Variants in RCAN1 observed in about 807,000 individuals in gnomAD.
RCAN1 encodes regulator of calcineurin 1, also known as calcipressin-1.
A neutral mutation model predicts 22.9 loss-of-function variants in RCAN1; 11 were observed. The ratio of observed to expected loss-of-function variants is 0.48; its 90% confidence interval spans 0.30 to 0.79. The LOEUF (loss-of-function observed/expected upper bound fraction) is 0.79, where lower values mean the gene tolerates loss of function less well. Among genes scored for constraint, RCAN1 ranks in the 30% least tolerant of loss-of-function variants. The pLI, the probability that RCAN1 is intolerant of heterozygous loss-of-function variation, is 0.06. For synonymous variants in RCAN1, 136 were observed against 142.3 expected (o/e 0.96, Z 0.32); for missense variants, 291 against 337.8 (o/e 0.86, Z 1.09).
chr21:34,525,498 T>A (rs1451489748), intron 1 of RCAN1: 2 of 996,694 alleles, frequency 2.0e-6, no homozygotes, highest in African/African-American at 3.2e-5. Context: ...CATTTGGAAT[T>A]TTGTATGACC....
At chr21:34,536,250 G>A (rs1349746857) in intron 1 of RCAN1, among the ~76,000 whole-genome samples, 1 of 152,188 alleles carries the variant, frequency 6.6e-6, no homozygotes, top group East Asian at 1.9e-4. Flanking sequence ...GGAGATTACT[G>A]GGGCCAAAGC....
At chr21:34,567,957 T>TCTG (rs879694037) in intron 1 of RCAN1, among the ~76,000 whole-genome samples, 2,123 of 152,330 alleles carry the variant, frequency 0.014, 30 homozygotes, top group Middle Eastern at 0.034. Context: ...AATGTCAAAG[T>TCTG]AAGGACCAAA....
chr21:34,538,005 A>C (rs558793150), intron 1 of RCAN1, among the ~76,000 whole-genome samples: 3 of 152,362 alleles, frequency 2.0e-5, no homozygotes, highest in Admixed American at 1.3e-4. Flanking sequence ...TTCTGCTCAA[A>C]CATAAACCAC....
At chr21:34,545,743 C>T (rs1986107589) in intron 1 of RCAN1, among the ~76,000 whole-genome samples, 2 of 152,200 alleles carry the variant, frequency 1.3e-5, no homozygotes, top group Non-Finnish European at 2.9e-5. Context: ...CAGCAGCTTT[C>T]CCCCAGTCCT....
chr21:34,520,488 G>T (rs532653724), intron 3 of RCAN1, among the ~76,000 whole-genome samples: 1 of 152,278 alleles, frequency 6.6e-6, no homozygotes, highest in East Asian at 1.9e-4. Flanking sequence ...CCCACAGAGG[G>T]AATTTCCGTT....
At chr21:34,604,162 G>T (rs1286586287) in intron 1 of RCAN1, among the ~76,000 whole-genome samples, 1 of 152,106 alleles carries the variant, frequency 6.6e-6, no homozygotes. Flanking sequence ...TTGAGACACA[G>T]CTCTGTTGCC....
Position 34,529,415 on chromosome 21 carries a change from G to A in RCAN1, c.253-5705C>T, listed in dbSNP as rs1370601475. 6.6e-5 allele frequency among the ~76,000 whole-genome samples: 10 copies of A among 152,324 alleles called. No homozygotes were observed. The East Asian group carries it at 1.9e-3, about 29-fold the overall frequency. On this transcript the variant is annotated intron_variant, in intron 1 of 3. Coordinates refer to ENST00000313806, the MANE Select transcript of RCAN1 (RefSeq NM_004414.7). The stretch of plus-strand genomic sequence containing the variant: ...AAGCACAGGGTTTCCTGGGACACCT[G>A]TCCCTGTACCCATAGGGTAAGACTG...
intron 1 of RCAN1, among the ~76,000 whole-genome samples, chr21:34,543,700 T>TGA (rs1986013925): frequency 1.3e-5 from 2 of 152,162 alleles, no homozygotes; most frequent in African/African-American, 2.4e-5. Flanking sequence ...ACTGCTGTCC[T>TGA]TTTATTTCTT....
intron 1 of RCAN1, among the ~76,000 whole-genome samples, chr21:34,529,494 G>A (rs1985257631): frequency 6.6e-6 from 1 of 152,212 alleles, no homozygotes; most frequent in Non-Finnish European, 1.5e-5. Context: ...TTCTTGCTAA[G>A]AGAGTCTGTC....
chr21:34,602,841 TTTTCATA>T (rs1988397521), intron 1 of RCAN1, among the ~76,000 whole-genome samples: 1 of 152,216 alleles, frequency 6.6e-6, no homozygotes, highest in Non-Finnish European at 1.5e-5. Flanking sequence ...TATGCTGATA[TTTTCATA>T]TTTCATATTC....
chr21:34,557,022 G>A (rs1425255804), intron 1 of RCAN1, among the ~76,000 whole-genome samples: 5 of 152,166 alleles, frequency 3.3e-5, no homozygotes, highest in Non-Finnish European at 7.4e-5. Context: ...AGACCAGCCT[G>A]GCCAACATGG....
At chr21:34,591,730 T>C (rs146597084) in intron 1 of RCAN1, among the ~76,000 whole-genome samples, 16 of 152,344 alleles carry the variant, frequency 1.1e-4, no homozygotes, top group African/African-American at 3.6e-4. Flanking sequence ...GGTGGATCCA[T>C]ATGTTGCGCT....
At chr21:34,526,649 A>C (rs1465427137) in intron 1 of RCAN1, 1 of 1,610,110 alleles carries the variant, frequency 6.2e-7, no homozygotes, top group Admixed American at 1.7e-5. Context: ...ATCACGTTAT[A>C]TTAGAAGCCT....
At chr21:34,592,236 C>G (rs540860607) in intron 1 of RCAN1, among the ~76,000 whole-genome samples, 302 of 152,348 alleles carry the variant, frequency 2.0e-3, no homozygotes, top group African/African-American at 6.9e-3. Context: ...ACCTGGGCAC[C>G]TGGCATCAAG....
At chr21:34,601,540 T>G (rs539740840) in intron 1 of RCAN1, among the ~76,000 whole-genome samples, 1 of 152,108 alleles carries the variant, frequency 6.6e-6, no homozygotes, top group Non-Finnish European at 1.5e-5. Flanking sequence ...AATGCTAGGC[T>G]GGGCACGGTG....
At chr21:34,563,698 C>T (rs1434830462) in intron 1 of RCAN1, among the ~76,000 whole-genome samples, 3 of 146,760 alleles carry the variant, frequency 2.0e-5, no homozygotes, top group African/African-American at 7.6e-5. Flanking sequence ...CACTTGATGT[C>T]AGGAGTTCCA....
intron 1 of RCAN1, chr21:34,525,139 A>G (rs946243418): frequency 1.3e-6 from 2 of 1,550,564 alleles, no homozygotes; most frequent in Non-Finnish European, 1.7e-6. Flanking sequence ...GCGAGGATTC[A>G]GGATAAGAGA....
intron 1 of RCAN1, among the ~76,000 whole-genome samples, chr21:34,533,641 C>T (rs1276024199): frequency 6.6e-6 from 1 of 152,112 alleles, no homozygotes; most frequent in Non-Finnish European, 1.5e-5. Flanking sequence ...GCTTACATTC[C>T]AGATGGGGAA....
intron 1 of RCAN1, among the ~76,000 whole-genome samples, chr21:34,565,764 G>C (rs1021429096): frequency 6.6e-6 from 1 of 152,304 alleles, no homozygotes; most frequent in Admixed American, 6.5e-5. Context: ...CCTTCTATGT[G>C]TGCTCGGCAA....
Sources: allele counts gnomAD v4.1 joint callset (sites outside exome capture counted in the v4.1 genomes callset), GRCh38; gene constraint gnomAD v4.1.1; transcripts MANE v1.5; gene names NCBI Gene and HGNC (gene_info 2026-07-23, HGNC 2026-07-21).